The following TYR variants were observed in gnomAD, a reference collection of about 807,000 sequenced individuals.
TYR encodes the protein LB24-AB.
In TYR, 58 loss-of-function variants were observed where a neutral mutation model predicts 51.5. That is an observed-to-expected ratio of 1.13 (90% CI 0.91 to 1.40). TYR has a LOEUF of 1.40. Ranked by LOEUF, TYR falls within the 40% of genes most tolerant of loss-of-function variation. TYR has a pLI of 0.00. For synonymous variants in TYR, 263 were observed against 235.2 expected, an observed-to-expected ratio of 1.12 and a Z score of -1.08; for missense variants, 732 against 647.4, an observed-to-expected ratio of 1.13 and a Z score of -1.42.
chr11:89,198,247 A>C (rs1466957461), intron 2 of TYR, among the ~76,000 whole-genome samples: 4 of 152,144 alleles, frequency 2.6e-5, no homozygotes, highest in African/African-American at 9.7e-5. Context: ...GGTCACACAG[A>C]TTCAAAAAAT....
chr11:89,236,113 G>T (rs1039653164), intron 3 of TYR, among the ~76,000 whole-genome samples: 1 of 151,860 alleles, frequency 6.6e-6, no homozygotes, highest in African/African-American at 2.4e-5. Flanking sequence ...TGTCAGAGTC[G>T]AGTAGCTGTG....
intron 2 of TYR, among the ~76,000 whole-genome samples, chr11:89,197,196 G>A (rs1223480290): frequency 2.0e-5 from 3 of 152,078 alleles, no homozygotes; most frequent in African/African-American, 7.2e-5. Context: ...AAAATGAGAA[G>A]TTCTACGTGG....
intron 3 of TYR, among the ~76,000 whole-genome samples, chr11:89,238,410 A>G (rs1414789738): frequency 1.3e-5 from 2 of 152,102 alleles, no homozygotes; most frequent in Non-Finnish European, 2.9e-5. Context: ...TAGTGTATGG[A>G]AATGCTACTG....
At chr11:89,214,899 A>C (rs983964460) in intron 2 of TYR, among the ~76,000 whole-genome samples, 5 of 152,206 alleles carry the variant, frequency 3.3e-5, no homozygotes, top group African/African-American at 1.2e-4. Flanking sequence ...ATCTAGCTAC[A>C]TAATCTTTGG....
chr11:89,178,031 C>CT lies in TYR; in HGVS notation c.79dup (p.Ser27PhefsTer2). 6.2e-7 allele frequency: 1 copy of CT among 1,614,210 alleles called. No homozygotes were observed. The highest frequency in any genetic ancestry group is 1.1e-5 in the South Asian group (1 of 91,082). On this transcript the variant is annotated frameshift_variant, in exon 1 of 5. Coordinates refer to ENST00000263321, the MANE Select transcript of TYR (RefSeq NM_000372.5). LOFTEE classifies it high-confidence loss of function. ...GCCATTTCCCTAGAGCCTGTGTCTC[C>CT]TCTAAGAACCTGATGGAGAAGGAAT...
chr11:89,222,085 A>G (rs1943919512), intron 2 of TYR, among the ~76,000 whole-genome samples: 1 of 152,236 alleles, frequency 6.6e-6, no homozygotes. Context: ...AAATATGTCA[A>G]GGCATAAGTT....
At chr11:89,178,918 T>G (rs1591134822) in intron 1 of TYR, 146 bp downstream of exon 1, 1 of 777,908 alleles carries the variant, frequency 1.3e-6, no homozygotes, top group Non-Finnish European at 2.2e-6. Context: ...TCTCAATGTA[T>G]CTTGTATTTT....
intron 3 of TYR, among the ~76,000 whole-genome samples, chr11:89,256,855 A>G (rs1944398490): frequency 6.6e-6 from 1 of 151,928 alleles, no homozygotes; most frequent in Admixed American, 6.6e-5. Context: ...CAAACTCCTG[A>G]GTAGGAGGCT....
At chr11:89,225,073 T>A (rs981478476) in intron 2 of TYR, among the ~76,000 whole-genome samples, 9 of 152,024 alleles carry the variant, frequency 5.9e-5, no homozygotes, top group Admixed American at 2.6e-4. Context: ...TTTATTTTTT[T>A]AAAATTTAGA....
intron 3 of TYR, among the ~76,000 whole-genome samples, chr11:89,251,136 CAT>C (rs1474993408): frequency 6.6e-6 from 1 of 151,736 alleles, no homozygotes; most frequent in African/African-American, 2.4e-5. Flanking sequence ...TACTATAAAA[CAT>C]ATGGGTTTAA....
chr11:89,188,224 T>C (rs1040526117), intron 1 of TYR, among the ~76,000 whole-genome samples: 1 of 151,868 alleles, frequency 6.6e-6, no homozygotes, highest in African/African-American at 2.4e-5. Flanking sequence ...TAAGGCAATA[T>C]GGTATAGACA....
chr11:89,245,766 C>T (rs1262429252), intron 3 of TYR, among the ~76,000 whole-genome samples: 3 of 151,746 alleles, frequency 2.0e-5, no homozygotes, highest in Non-Finnish European at 4.4e-5. Context: ...ACTAAAAATA[C>T]AAAAAATTAG....
chr11:89,181,295 C>T (rs1418670498), intron 1 of TYR, among the ~76,000 whole-genome samples: 1 of 152,176 alleles, frequency 6.6e-6, no homozygotes, highest in East Asian at 1.9e-4. Context: ...GGATTGCAGG[C>T]CTGAGCCATC....
intron 1 of TYR, among the ~76,000 whole-genome samples, chr11:89,190,582 A>G (rs896853482): frequency 1.3e-5 from 2 of 152,140 alleles, no homozygotes; most frequent in African/African-American, 2.4e-5. Flanking sequence ...AGTTACAGGA[A>G]GCTAAGGTGA....
chr11:89,228,894 T>G (rs1441662014), intron 3 of TYR, among the ~76,000 whole-genome samples: 3 of 151,756 alleles, frequency 2.0e-5, no homozygotes, highest in African/African-American at 7.3e-5. Context: ...AAGGAGAAAA[T>G]AAAGCATCAA....
Position 89,262,233 on chromosome 11 carries a change from A to G in TYR, c.1185-22540A>G, listed in dbSNP as rs971244747. 7.2e-5 allele frequency among the ~76,000 whole-genome samples: 11 copies of G among 152,080 alleles called. No individual in the cohort carries two copies. The East Asian group carries it at 1.8e-3, about 24-fold the overall frequency. On this transcript the variant is annotated intron_variant, in intron 3 of 4. Coordinates refer to ENST00000263321, the MANE Select transcript of TYR (RefSeq NM_000372.5). ...GCCACTAGGCCCAGCTAATTTTTGT[A>G]TTTTTAGTAGAGACAGGGTTTCACC...
chr11:89,182,944 A>G (rs1043212043), intron 1 of TYR, among the ~76,000 whole-genome samples: 1 of 152,154 alleles, frequency 6.6e-6, no homozygotes, highest in African/African-American at 2.4e-5. Flanking sequence ...TGAAAAGCAC[A>G]TCACATGGAA....
intron 3 of TYR, among the ~76,000 whole-genome samples, chr11:89,253,645 G>A (rs919832419): frequency 5.9e-5 from 9 of 151,746 alleles, no homozygotes; most frequent in African/African-American, 2.2e-4. Flanking sequence ...TTGGTGTATA[G>A]CAGAGCTACT....
intron 2 of TYR, among the ~76,000 whole-genome samples, chr11:89,222,131 G>T (rs1167941917): frequency 6.6e-6 from 1 of 152,164 alleles, no homozygotes; most frequent in African/African-American, 2.4e-5. Context: ...AGGATTTTTG[G>T]ACTGTCAGAA....
Sources: allele counts gnomAD v4.1 joint callset (sites outside exome capture counted in the v4.1 genomes callset), GRCh38; gene constraint gnomAD v4.1.1; transcripts MANE v1.5; gene names NCBI Gene and HGNC (gene_info 2026-07-23, HGNC 2026-07-21).